The following EPM2A variants were observed in gnomAD, a reference collection of about 807,000 sequenced individuals.
EPM2A encodes the protein EPM2A glucan phosphatase, laforin.
Under a neutral mutation model 26.5 loss-of-function variants are expected in EPM2A, and 21 were observed. The observed-to-expected ratio is 0.79, with a 90% confidence interval of 0.56 to 1.14. The LOEUF is 1.14. Among genes scored for constraint, EPM2A ranks in the 50% most tolerant of loss-of-function variants. EPM2A has a pLI of 0.00. For synonymous variants in EPM2A, 217 were observed against 177.6 expected (o/e 1.22, Z -1.76); for missense variants, 458 against 440.8 (o/e 1.04, Z -0.35).
intron 2 of EPM2A, among the ~76,000 whole-genome samples, chr6:145,508,494 T>G (rs1257924000): frequency 6.6e-6 from 1 of 152,092 alleles, no homozygotes; most frequent in African/African-American, 2.4e-5. Flanking sequence ...CTTGGTCCTC[T>G]GAAAGCACCC....
At chr6:145,624,924 A>G (rs2128554487), downstream of EPM2A, among the ~76,000 whole-genome samples, 1 of 152,346 alleles carries the variant, frequency 6.6e-6, no homozygotes, top group South Asian at 2.1e-4. Flanking sequence ...ATAGAAAGAT[A>G]ATGTTTCAAG....
intron 2 of EPM2A, chr6:145,637,927 C>T (rs1424944619): frequency 3.3e-5 from 5 of 152,148 alleles, no homozygotes; most frequent in South Asian, 2.1e-4. Flanking sequence ...GCTGGGCTCA[C>T]GTATGTATAC....
chr6:145,529,143 T>C (rs931171545), intron 2 of EPM2A, among the ~76,000 whole-genome samples: 1 of 152,156 alleles, frequency 6.6e-6, no homozygotes, highest in African/African-American at 2.4e-5. Flanking sequence ...TTTCTTGAGA[T>C]AGAGACTACT....
chr6:145,408,099 G>T (rs1778593783), intron 4 of EPM2A, among the ~76,000 whole-genome samples: 1 of 152,122 alleles, frequency 6.6e-6, no homozygotes, highest in South Asian at 2.1e-4. Context: ...AACTCTGCCT[G>T]TTATGAGCCT....
At chr6:145,560,635 T>G (rs1336899132) in intron 2 of EPM2A, among the ~76,000 whole-genome samples, 2 of 152,302 alleles carry the variant, frequency 1.3e-5, no homozygotes, top group East Asian at 1.9e-4. Flanking sequence ...AATTAATATC[T>G]GGTTGGAAAC....
chr6:145,529,932 TTTG>T (rs1390604846), intron 2 of EPM2A, among the ~76,000 whole-genome samples: 11 of 152,216 alleles, frequency 7.2e-5, no homozygotes, highest in Admixed American at 2.6e-4. Flanking sequence ...TTCTATTTTT[TTTG>T]CAATCAAATT....
chr6:145,571,619 C>T (rs769039384), intron 2 of EPM2A, among the ~76,000 whole-genome samples: 3 of 152,194 alleles, frequency 2.0e-5, no homozygotes, highest in Non-Finnish European at 4.4e-5. Flanking sequence ...AAGTAGCTGG[C>T]TGATTACCTA....
chr6:145,490,639 A>G (rs1779742218), intron 4 of EPM2A: 2 of 640,178 alleles, frequency 3.1e-6, no homozygotes, highest in Admixed American at 1.9e-5. Flanking sequence ...TTCATTGCAT[A>G]TTTCACACTT....
chr6:145,518,927 A>C lies in EPM2A; in HGVS notation c.341-16352T>G, dbSNP rs118137298. On this transcript the variant is annotated intron_variant, in intron 2 of 3. Transcript: ENST00000450221. ...AAGTTGAGACTGAGTTGGGAGCCAGAAAGGTGGAGAAGCAGTGAGAGAGAA... is the reference window on the plus strand; with the variant it reads ...AAGTTGAGACTGAGTTGGGAGCCAGCAAGGTGGAGAAGCAGTGAGAGAGAA... Among the ~76,000 whole-genome samples, 51 of 137,100 alleles carry C rather than the reference A, an allele frequency of 3.7e-4. No homozygotes were observed. In the East Asian group the frequency reaches 0.011, roughly 28 times the overall value. 89.9% of individuals were successfully genotyped at this position (137,100 alleles called of 152,430 possible). A position where few individuals can be genotyped will look rare whatever the true frequency, so the allele number is the denominator to read the frequency against.
At chr6:145,548,635 A>C (rs982640030) in intron 2 of EPM2A, among the ~76,000 whole-genome samples, 1 of 152,088 alleles carries the variant, frequency 6.6e-6, no homozygotes, top group Non-Finnish European at 1.5e-5. Flanking sequence ...CACCCACTTC[A>C]AACCCAAATT....
chr6:145,410,977 T>G (rs2114674948), intron 4 of EPM2A, among the ~76,000 whole-genome samples: 1 of 152,262 alleles, frequency 6.6e-6, no homozygotes, highest in Middle Eastern at 3.4e-3. Context: ...TCTAATAACA[T>G]CACAGTTTCA....
chr6:145,514,478 T>C (rs1271740996), intron 2 of EPM2A, among the ~76,000 whole-genome samples: 1 of 152,172 alleles, frequency 6.6e-6, no homozygotes, highest in East Asian at 1.9e-4. Flanking sequence ...GTCAAATTTA[T>C]TGATATATGT....
At chr6:145,734,583 T>C (rs1170507058) in intron 1 of EPM2A, 1 of 152,226 alleles carries the variant, frequency 6.6e-6, no homozygotes, top group South Asian at 2.1e-4. Context: ...TCAACGTTTT[T>C]CCATTAGTTC....
At chr6:145,688,096 G>A (rs1781050180) in intron 1 of EPM2A, among the ~76,000 whole-genome samples, 1 of 151,946 alleles carries the variant, frequency 6.6e-6, no homozygotes, top group African/African-American at 2.4e-5. Context: ...ACTGTGCTAG[G>A]TCATGTTAAG....
intron 4 of EPM2A, among the ~76,000 whole-genome samples, chr6:145,453,874 T>C (rs1187534546): frequency 6.6e-6 from 1 of 152,214 alleles, no homozygotes; most frequent in Admixed American, 6.5e-5. Context: ...TCTCTTAACT[T>C]AAAAGTATTT....
At position 145,726,458 on chromosome 6, in the gene EPM2A, ACTT is replaced by A. The variant is rs377621938; in HGVS notation, c.301+8737_301+8739del. ...TTTTAAACGTGAGCACTGCACAGTG[ACTT>A]CTTCTGAAAGACTACAGTATGGAAA... On this transcript the variant is annotated intron_variant, in intron 1 of 3. Transcript: ENST00000367519. Among the ~76,000 whole-genome samples, 92 of 152,244 alleles carry A rather than the reference ACTT, an allele frequency of 6.0e-4. 1 individual carries two copies. In the East Asian group the frequency reaches 0.016, roughly 26 times the overall value.
At chr6:145,628,714 T>C (rs1776018393) in intron 3 of EPM2A, 1 of 152,232 alleles carries the variant, frequency 6.6e-6, no homozygotes, top group Non-Finnish European at 1.5e-5. Flanking sequence ...GAGTTCTTTG[T>C]GGCTTTCACG....
chr6:145,567,856 G>C (rs949266215), intron 2 of EPM2A, among the ~76,000 whole-genome samples: 1 of 152,160 alleles, frequency 6.6e-6, no homozygotes, highest in Non-Finnish European at 1.5e-5. Context: ...TGCTGTCTTT[G>C]TGCAGTGCCT....
intron 4 of EPM2A, among the ~76,000 whole-genome samples, chr6:145,453,981 G>A (rs1779229982): frequency 6.6e-6 from 1 of 152,152 alleles, no homozygotes; most frequent in African/African-American, 2.4e-5. Context: ...GAGAAACTAA[G>A]CACATCCTAT....
Sources: gnomAD v4.1 joint callset for allele counts (sites outside exome capture counted in the v4.1 genomes callset) on GRCh38, gnomAD v4.1.1 for gene constraint, MANE v1.5 for transcripts, NCBI Gene and HGNC (gene_info 2026-07-23, HGNC 2026-07-21) for gene names.